The following FOXP1 variants were observed in gnomAD, a reference collection of about 807,000 sequenced individuals.
The protein encoded by FOXP1 is forkhead box P1, also known as forkhead box protein P1.
FOXP1 carries 15 observed loss-of-function variants against 98.2 expected under a neutral mutation model. The observed-to-expected ratio is 0.15, with a 90% CI of 0.10 to 0.24. The LOEUF is 0.24. Among genes scored for constraint, FOXP1 ranks in the 10% least tolerant of loss-of-function variants. FOXP1 has a pLI of 1.00. For synonymous variants in FOXP1, 371 were observed against 314.5 expected, an observed-to-expected ratio of 1.18 and a Z score of -1.90; for missense variants, 633 against 848.5, an observed-to-expected ratio of 0.75 and a Z score of 3.15.
At chr3:71,393,408 A>T (rs1178968816) in intron 3 of FOXP1, among the ~76,000 whole-genome samples, 6 of 147,662 alleles carry the variant, frequency 4.1e-5, no homozygotes, top group Admixed American at 2.7e-4. Flanking sequence ...GACTCATAAT[A>T]AAAAAAAAAC....
intron 14 of FOXP1, among the ~76,000 whole-genome samples, chr3:70,983,020 T>G (rs1469616963): frequency 1.3e-5 from 2 of 152,228 alleles, no homozygotes; most frequent in African/African-American, 2.4e-5. Context: ...CTGCTTTAAC[T>G]GCATGGCAGT....
chr3:71,292,079 G>A (rs1201002619), intron 5 of FOXP1, among the ~76,000 whole-genome samples: 2 of 152,006 alleles, frequency 1.3e-5, no homozygotes, highest in South Asian at 2.1e-4. Context: ...TGGTTCCAAC[G>A]GCCACTTTGA....
At chr3:71,176,331 G>T (rs1424918640) in intron 6 of FOXP1, among the ~76,000 whole-genome samples, 2 of 152,068 alleles carry the variant, frequency 1.3e-5, no homozygotes, top group Non-Finnish European at 2.9e-5. Flanking sequence ...TAAAATACCA[G>T]TTGCAACCAC....
intron 4 of FOXP1, among the ~76,000 whole-genome samples, chr3:71,307,071 T>C (rs970082935): frequency 6.6e-6 from 1 of 152,220 alleles, no homozygotes; most frequent in Non-Finnish European, 1.5e-5. Context: ...TTAATAACTT[T>C]TGCAGTATTA....
chr3:71,227,079 G>A (rs561509264), intron 5 of FOXP1, among the ~76,000 whole-genome samples: 1 of 152,216 alleles, frequency 6.6e-6, no homozygotes, highest in East Asian at 1.9e-4. Flanking sequence ...TAGCGATGCA[G>A]TGGTTCTCAC....
intron 2 of FOXP1, among the ~76,000 whole-genome samples, chr3:71,511,851 A>G (rs2042227253): frequency 6.6e-6 from 1 of 152,264 alleles, no homozygotes; most frequent in South Asian, 2.1e-4. Context: ...GCATGTATAT[A>G]TAGATGTAAA....
intron 2 of FOXP1, among the ~76,000 whole-genome samples, chr3:71,523,594 C>T (rs2043148922): frequency 6.6e-6 from 1 of 152,122 alleles, no homozygotes; most frequent in Non-Finnish European, 1.5e-5. Context: ...GCGGTGACAT[C>T]CCGAGTCACC....
At chr3:71,188,350 T>C (rs1397220527) in intron 6 of FOXP1, among the ~76,000 whole-genome samples, 3 of 152,106 alleles carry the variant, frequency 2.0e-5, no homozygotes, top group African/African-American at 7.2e-5. Context: ...TGAGACAAGG[T>C]AATGTGATAA....
chr3:71,350,959 C>A (rs2077738462), intron 4 of FOXP1, among the ~76,000 whole-genome samples: 2 of 152,174 alleles, frequency 1.3e-5, no homozygotes, highest in South Asian at 2.1e-4. Flanking sequence ...CCCACCACCC[C>A]CAACTCACTC....
In FOXP1 at chr3:71,447,925, C is replaced by T. The variant is rs138822287; in HGVS notation, c.-168+45501G>A. Among the ~76,000 whole-genome samples the T allele has an allele frequency of 2.7e-3, 408 of 152,244 alleles. 1 individual carries two copies. The highest frequency in any genetic ancestry group is 9.6e-3 in the African/African-American group (397 of 41,530). ...AATCAGCCAGAGACAAGTGTAGACA[C>T]GTTCAGAGAGAAGAACCTCAAATGA... On this transcript the variant is annotated intron_variant, in intron 3 of 20. Coordinates refer to ENST00000649528, the MANE Select transcript of FOXP1 (RefSeq NM_001349338.3).
intron 5 of FOXP1, among the ~76,000 whole-genome samples, chr3:71,255,428 T>C (rs894883305): frequency 5.9e-5 from 9 of 152,294 alleles, no homozygotes; most frequent in African/African-American, 2.2e-4. Context: ...ACCTAACATA[T>C]ATGTATTCAA....
intron 14 of FOXP1, among the ~76,000 whole-genome samples, chr3:70,987,656 C>T (rs933677771): frequency 1.6e-4 from 24 of 152,216 alleles, no homozygotes; most frequent in Admixed American, 2.0e-4. Context: ...GTCTTCTCTG[C>T]GTTCCTACCA....
chr3:71,072,166 T>TA, intron 7 of FOXP1, among the ~76,000 whole-genome samples: 1 of 152,082 alleles, frequency 6.6e-6, no homozygotes, highest in Non-Finnish European at 1.5e-5. Flanking sequence ...TAAAATATTT[T>TA]AAAAAATTAG....
chr3:71,583,054 G>C (rs910053928), intron 1 of FOXP1, among the ~76,000 whole-genome samples: 5 of 151,718 alleles, frequency 3.3e-5, no homozygotes, highest in Non-Finnish European at 7.4e-5. Context: ...TCCCGCCGCG[G>C]CCAGGACCCG....
intron 2 of FOXP1, among the ~76,000 whole-genome samples, chr3:71,501,329 T>C (rs1439019889): frequency 6.8e-6 from 1 of 148,022 alleles, no homozygotes. Context: ...GGAGTCTCGC[T>C]GTGTTGCCAG....
intron 5 of FOXP1, among the ~76,000 whole-genome samples, chr3:71,221,298 G>T (rs1296036467): frequency 6.6e-6 from 1 of 152,156 alleles, no homozygotes; most frequent in African/African-American, 2.4e-5. Flanking sequence ...CACGAAACTG[G>T]TCCTTGGTGC....
intron 5 of FOXP1, among the ~76,000 whole-genome samples, chr3:71,244,654 G>A (rs910682878): frequency 2.0e-5 from 3 of 152,042 alleles, no homozygotes; most frequent in African/African-American, 4.8e-5. Flanking sequence ...ACACCAGTGA[G>A]TACACACCTC....
At chr3:71,417,471 A>C (rs933829242) in intron 3 of FOXP1, among the ~76,000 whole-genome samples, 1 of 152,192 alleles carries the variant, frequency 6.6e-6, no homozygotes, top group African/African-American at 2.4e-5. Context: ...TCCCCAGCAG[A>C]TGCTAAGGAT....
At chr3:70,981,832 A>C (rs759924612) in intron 14 of FOXP1, among the ~76,000 whole-genome samples, 10 of 152,210 alleles carry the variant, frequency 6.6e-5, no homozygotes, top group Non-Finnish European at 1.3e-4. Context: ...TCTAATTGCT[A>C]ATTTGCCAAA....
Sources: gnomAD v4.1 joint callset for allele counts (sites outside exome capture counted in the v4.1 genomes callset) on GRCh38, gnomAD v4.1.1 for gene constraint, MANE v1.5 for transcripts, NCBI Gene and HGNC (gene_info 2026-07-23, HGNC 2026-07-21) for gene names.